The following OR51B5 variants were observed in gnomAD, a reference collection of about 807,000 sequenced individuals.
The protein encoded by OR51B5 is olfactory receptor family 51 subfamily B member 5, also known as olfactory receptor 51B5.
For synonymous variants in OR51B5, 186 were observed against 144.8 expected (o/e 1.28, Z -2.04); for missense variants, 456 against 374.6 (o/e 1.22, Z -1.79).
chr11:5,422,474 C>T lies in OR51B5; in HGVS notation n.85-75564G>A, dbSNP rs565659513. On this transcript the variant is annotated intron_variant and non_coding_transcript_variant, in intron 1 of 4. Coordinates refer to the OR51B5 transcript ENST00000415970. ...CATGCAGCTTCTCTGGTTCAACGTT[C>T]GTAGAATCAGCTCTGAGGCCTGTTT... 5.6e-6 allele frequency: 9 copies of T among 1,614,160 alleles called. No individual in the cohort carries two copies. The African/African-American group carries it at 6.7e-5, about 12-fold the overall frequency.
exon 1 of OR51B5, chr11:5,343,212 G>C (rs1208401261): frequency 1.2e-6 from 2 of 1,613,654 alleles, no homozygotes; most frequent in Non-Finnish European, 1.7e-6. Context: ...AGAAAGGAAA[G>C]TGAGTGTATA....
chr11:5,442,225 A>G (rs1850699923), intron 1 of OR51B5, among the ~76,000 whole-genome samples: 1 of 152,184 alleles, frequency 6.6e-6, no homozygotes, highest in Non-Finnish European at 1.5e-5. Context: ...AATAAATTCT[A>G]CAATCAAACC....
chr11:5,400,349 T>C (rs764673658), intron 1 of OR51B5, among the ~76,000 whole-genome samples: 7 of 152,230 alleles, frequency 4.6e-5, no homozygotes, highest in Non-Finnish European at 8.8e-5. Context: ...ATTATTTTAA[T>C]ATCCTATTAC....
chr11:5,359,609 C>A (rs1310794399), intron 1 of OR51B5, among the ~76,000 whole-genome samples: 1 of 145,990 alleles, frequency 6.8e-6, no homozygotes, highest in Non-Finnish European at 1.5e-5. Flanking sequence ...CATCAAGCTA[C>A]CAATGACTTT....
At chr11:5,395,421 T>G (rs1849853179) in intron 1 of OR51B5, among the ~76,000 whole-genome samples, 1 of 152,150 alleles carries the variant, frequency 6.6e-6, no homozygotes, top group African/African-American at 2.4e-5. Context: ...CTAGCATGAC[T>G]ATATGCAGGG....
upstream of OR51B5, chr11:5,343,758 G>A (rs556516407): frequency 1.0e-4 from 41 of 397,038 alleles, no homozygotes; most frequent in African/African-American, 6.6e-4. Flanking sequence ...CAAATTCTTG[G>A]AGTTTCAACT....
At chr11:5,420,697 CTATTTTATTTTTTGTCACTGATTT>C (rs1850320771) in intron 1 of OR51B5, among the ~76,000 whole-genome samples, 1 of 151,974 alleles carries the variant, frequency 6.6e-6, no homozygotes, top group Non-Finnish European at 1.5e-5. Context: ...ATTATTTTCT[CTATTTTATTTTTTGTCACTGATTT>C]TCATTTAGTT....
At chr11:5,489,114 A>G in intron 1 of OR51B5, 2 of 1,613,904 alleles carry the variant, frequency 1.2e-6, no homozygotes, top group Non-Finnish European at 1.7e-6. Context: ...TAAGGTACAC[A>G]ACCATTCTCA....
chr11:5,485,868 A>G (rs57098188), intron 1 of OR51B5, among the ~76,000 whole-genome samples: 16,024 of 152,168 alleles, frequency 0.11, 888 homozygotes, highest in Middle Eastern at 0.17. Context: ...ATTAACCCTC[A>G]GCATCTCAGA....
chr11:5,390,477 T>C (rs2133729715), intron 1 of OR51B5: 2 of 1,080,396 alleles, frequency 1.9e-6, no homozygotes, highest in East Asian at 2.6e-5. Flanking sequence ...TTAAAGATTT[T>C]TTGCCCCTGT....
At chr11:5,444,835 G>A (rs146462591) in intron 1 of OR51B5, among the ~76,000 whole-genome samples, 230 of 152,184 alleles carry the variant, frequency 1.5e-3, no homozygotes, top group African/African-American at 5.2e-3. Context: ...TATCTTTCTT[G>A]GCACAATTAT....
chr11:5,415,696 G>A (rs548761223), intron 1 of OR51B5, among the ~76,000 whole-genome samples: 1,579 of 152,068 alleles, frequency 0.01, 26 homozygotes, highest in African/African-American at 0.035. Context: ...TAAATTCCTC[G>A]ACACATACAC....
intron 1 of OR51B5, among the ~76,000 whole-genome samples, chr11:5,504,217 A>G (rs1429867588): frequency 6.6e-6 from 1 of 152,230 alleles, no homozygotes; most frequent in Non-Finnish European, 1.5e-5. Context: ...AAGAAATAAC[A>G]CTGATGCTTA....
chr11:5,431,621 C>A (rs151264728), intron 1 of OR51B5: 19 of 153,422 alleles, frequency 1.2e-4, no homozygotes, highest in African/African-American at 4.6e-4. Flanking sequence ...CAGCAGAGAT[C>A]AGTCTTCGCC....
At chr11:5,389,746 C>G (rs267602949) in intron 1 of OR51B5, 19 of 1,613,842 alleles carry the variant, frequency 1.2e-5, no homozygotes, top group South Asian at 2.2e-5. Context: ...TGTTCTGCAT[C>G]CACTCTTTTT....
chr11:5,411,453 C>T (rs1850148057), intron 1 of OR51B5, among the ~76,000 whole-genome samples: 1 of 141,588 alleles, frequency 7.1e-6, no homozygotes, highest in Non-Finnish European at 1.5e-5. Context: ...TATCTCAGGA[C>T]ATACCCCTGT....
intron 1 of OR51B5, among the ~76,000 whole-genome samples, chr11:5,499,524 T>C (rs1399611583): frequency 6.6e-6 from 1 of 152,140 alleles, no homozygotes; most frequent in African/African-American, 2.4e-5. Flanking sequence ...AAACTTGTCA[T>C]CTCCACTTGA....
At chr11:5,492,512 A>G (rs1430843848) in intron 1 of OR51B5, among the ~76,000 whole-genome samples, 1 of 152,136 alleles carries the variant, frequency 6.6e-6, no homozygotes, top group Non-Finnish European at 1.5e-5. Flanking sequence ...CTAAATTCCC[A>G]AAGAGTTGGA....
chr11:5,429,233 T>C lies in OR51B5; in HGVS notation n.84+76336A>G, dbSNP rs557086542. Among the ~76,000 whole-genome samples the C allele has an allele frequency of 5.9e-5, 9 of 152,196 alleles. No individual in the cohort carries two copies. In the East Asian group the frequency reaches 9.7e-4, roughly 16 times the overall value. Reference sequence around the variant, plus strand: ...TTGAAAAACCCCAGCCTTTGAGAGTTTGGGGAGACTGGTTTGAGTAATAAC... The same window carrying C: ...TTGAAAAACCCCAGCCTTTGAGAGTCTGGGGAGACTGGTTTGAGTAATAAC... On this transcript the variant is annotated intron_variant and non_coding_transcript_variant, in intron 1 of 4. Coordinates refer to the OR51B5 transcript ENST00000415970.
Sources: gnomAD v4.1 joint callset for allele counts (sites outside exome capture counted in the v4.1 genomes callset) on GRCh38, gnomAD v4.1.1 for gene constraint, MANE v1.5 for transcripts, NCBI Gene and HGNC (gene_info 2026-07-23, HGNC 2026-07-21) for gene names.